IL1RAP: variants seen among roughly 807,000 people sequenced by gnomAD.
The protein encoded by IL1RAP is interleukin 1 receptor accessory protein.
In IL1RAP, 35 loss-of-function variants were observed where a neutral mutation model predicts 60.7. That is an observed-to-expected ratio of 0.58 (90% confidence interval 0.44 to 0.76). IL1RAP has a LOEUF of 0.76. Among genes scored for constraint, IL1RAP ranks in the 30% least tolerant of loss-of-function variants. The pLI, the probability that IL1RAP is intolerant of heterozygous loss-of-function variation, is 0.00. For missense variants in IL1RAP, 572 were observed against 693.9 expected (o/e 0.82, Z 1.97); for synonymous variants, 268 against 250.9 (o/e 1.07, Z -0.64).
intron 4 of IL1RAP, among the ~76,000 whole-genome samples, chr3:190,607,543 A>G (rs1279440349): frequency 6.6e-6 from 1 of 152,156 alleles, no homozygotes. Context: ...TAATAAAGGA[A>G]ATGTCCAAGG....
At position 190,629,041 on chromosome 3, in the gene IL1RAP, A is replaced by G. The variant is rs138972088; in HGVS notation, c.903-309A>G. 1.4e-3 allele frequency among the ~76,000 whole-genome samples: 213 copies of G among 152,300 alleles called. 4 individuals are homozygous for G. In the East Asian group the frequency reaches 0.036, roughly 25 times the overall value. ...GCCCCAGAAGCTTCTCTCTAAACTG[A>G]TACAGCATCCTGGCTCAGAAGTTTA... On this transcript the variant is annotated intron_variant, in intron 8 of 11. Transcript: ENST00000447382.
Position 190,620,313 on chromosome 3 carries a change from C to T in IL1RAP, c.576C>T (p.Pro192=), listed in dbSNP as rs555832194. The part of the protein sequence containing the change: ...YKIQNFNNVI[P]EGMNLSFLIA... Reference sequence around the variant, plus strand: ...TACAGAATTTTAATAATGTAATACCCGAAGGTATGAACTTGAGTTTCCTCA... The same window carrying T: ...TACAGAATTTTAATAATGTAATACCTGAAGGTATGAACTTGAGTTTCCTCA... The change falls in exon 6 of 12, where the codon CCC becomes CCT. Residue 192 remains proline (P), a synonymous_variant. Coordinates refer to ENST00000447382, the MANE Select transcript of IL1RAP (RefSeq NM_002182.4). 128 of 1,591,950 alleles carry T rather than the reference C, an allele frequency of 8.0e-5. No individual in the cohort carries two copies. The highest frequency in any genetic ancestry group is 5.7e-4 in the South Asian group (51 of 89,654).
chr3:190,514,371 C>T (rs956120307), intron 1 of IL1RAP, among the ~76,000 whole-genome samples, 152 bp downstream of exon 1: 1 of 152,212 alleles, frequency 6.6e-6, no homozygotes, highest in African/African-American at 2.4e-5. Flanking sequence ...ATAGGTCATA[C>T]TGCTAGTTAG....
chr3:190,556,042 G>A (rs563637709), intron 1 of IL1RAP, 88 bp from the exon 2 acceptor site: 9 of 151,506 alleles, frequency 5.9e-5, no homozygotes, highest in Middle Eastern at 3.4e-3. Flanking sequence ...TTTAACCAAC[G>A]AAAAAGTTTT....
rs1733969694 is a variant in IL1RAP, at chr3:190,645,748, A to G, written c.1251A>G (p.Glu417=). The G allele has an allele frequency of 1.2e-6, 2 of 1,613,150 alleles. No homozygotes were observed. The highest frequency in any genetic ancestry group is 8.5e-7 in the Non-Finnish European group (1 of 1,179,120). ...IYVSYARNAE[E]EEFVLLTLRG... ...TATCCTATGCAAGGAATGCGGAAGA[A>G]GAAGAATTTGTATTACTGACCCTCC... Residue 417 remains glutamate, a synonymous_variant, in exon 11 of 12, where the codon GAA becomes GAG. Coordinates refer to ENST00000447382, the MANE Select transcript of IL1RAP (RefSeq NM_002182.4).
chr3:190,624,592 G>A (rs1732068536), intron 7 of IL1RAP: 1 of 155,278 alleles, frequency 6.4e-6, no homozygotes, highest in African/African-American at 2.4e-5. Flanking sequence ...GTTAATGGGT[G>A]AAAGCAACGG....
At chr3:190,615,335 A>G (rs1407301865) in intron 5 of IL1RAP, 7 of 1,270,966 alleles carry the variant, frequency 5.5e-6, no homozygotes, top group Non-Finnish European at 7.2e-6. Flanking sequence ...ACCTCCAAAC[A>G]TATAGAAGTA....
At chr3:190,630,331 A>C (rs949992976) in intron 9 of IL1RAP, 20 of 286,852 alleles carry the variant, frequency 7.0e-5, no homozygotes, top group Non-Finnish European at 9.4e-5. Context: ...CCTAACACAG[A>C]ATCCCAGAAA....
chr3:190,560,371 A>G (rs1395083917), intron 2 of IL1RAP, among the ~76,000 whole-genome samples: 1 of 152,198 alleles, frequency 6.6e-6, no homozygotes, highest in Non-Finnish European at 1.5e-5. Context: ...TTCAGTGGGC[A>G]GGTCATAGAA....
chr3:190,659,705 C>A (rs1734723757), exon 12 of IL1RAP: 1 of 152,140 alleles, frequency 6.6e-6, no homozygotes, highest in Admixed American at 6.6e-5. Flanking sequence ...TCTCTCTGAG[C>A]CTCAATTTCC....
rs1212452465 is a variant in IL1RAP at position 190,530,325 on chromosome 3, G to A, written c.-89+16106G>A. Reference sequence around the variant, plus strand: ...ATGAATATTCTCGAGTAAGGGAGGGGCATTATCAGATCTGTATTTTAGATC... The same window carrying A: ...ATGAATATTCTCGAGTAAGGGAGGGACATTATCAGATCTGTATTTTAGATC... On this transcript the variant is annotated intron_variant, in intron 1 of 11. Coordinates refer to ENST00000447382, the MANE Select transcript of IL1RAP (RefSeq NM_002182.4). Among the ~76,000 whole-genome samples, 3 of 152,122 alleles carry A rather than the reference G, an allele frequency of 2.0e-5. No homozygotes were observed. The South Asian group carries it at 6.2e-4, about 31-fold the overall frequency.
At chr3:190,654,379 GA>G (rs1484204264), downstream of IL1RAP, among the ~76,000 whole-genome samples, 1 of 152,186 alleles carries the variant, frequency 6.6e-6, no homozygotes, top group Non-Finnish European at 1.5e-5. Flanking sequence ...AGTAGGACTA[GA>G]GGGGACTGAG....
At chr3:190,547,886 G>A (rs1409800932) in intron 1 of IL1RAP, among the ~76,000 whole-genome samples, 1 of 152,178 alleles carries the variant, frequency 6.6e-6, no homozygotes, top group Non-Finnish European at 1.5e-5. Flanking sequence ...CCATCTCTCT[G>A]TGTAATGGAG....
chr3:190,614,140 A>G (rs866833475), intron 5 of IL1RAP, among the ~76,000 whole-genome samples: 11 of 151,324 alleles, frequency 7.3e-5, no homozygotes, highest in African/African-American at 2.7e-4. Flanking sequence ...AGGTTCCTAC[A>G]TCTGTTGGTT....
At chr3:190,518,578 C>T (rs1721735754) in intron 1 of IL1RAP, 1 of 152,212 alleles carries the variant, frequency 6.6e-6, no homozygotes, top group African/African-American at 2.4e-5. Flanking sequence ...CTGATAAAGA[C>T]AGACCCAAGA....
chr3:190,625,750 A>G (rs553549255), intron 7 of IL1RAP, among the ~76,000 whole-genome samples: 4 of 152,350 alleles, frequency 2.6e-5, no homozygotes, highest in African/African-American at 9.6e-5. Context: ...CACAGAGAAC[A>G]TGGTAAGAGG....
chr3:190,526,824 T>A (rs1179347319), intron 1 of IL1RAP, among the ~76,000 whole-genome samples: 2 of 152,240 alleles, frequency 1.3e-5, no homozygotes, highest in Non-Finnish European at 2.9e-5. Context: ...AACTTTCTTT[T>A]AAAAATCAAA....
chr3:190,535,877 G>A (rs1162466974), intron 1 of IL1RAP, among the ~76,000 whole-genome samples: 2 of 152,168 alleles, frequency 1.3e-5, no homozygotes, highest in East Asian at 3.8e-4. Flanking sequence ...GTCAAGGATC[G>A]TGTTTTAACT....
intron 2 of IL1RAP, among the ~76,000 whole-genome samples, chr3:190,556,785 A>G (rs894268613): frequency 1.3e-5 from 2 of 152,210 alleles, no homozygotes; most frequent in Non-Finnish European, 2.9e-5. Context: ...GTGGTAGCTC[A>G]CATTGTCTAC....
Sources: gnomAD v4.1 joint callset for allele counts (sites outside exome capture counted in the v4.1 genomes callset) on GRCh38, gnomAD v4.1.1 for gene constraint, MANE v1.5 for transcripts, NCBI Gene and HGNC (gene_info 2026-07-23, HGNC 2026-07-21) for gene names.